DACH1: variants seen among roughly 807,000 people sequenced by gnomAD.
The protein encoded by DACH1 is dachshund homolog 1.
In DACH1, 12 loss-of-function variants were observed where a neutral mutation model predicts 54.2. The observed-to-expected ratio is 0.22, with a 90% CI of 0.14 to 0.36. DACH1 has a LOEUF of 0.36. Among genes scored for constraint, DACH1 ranks in the 10% least tolerant of loss-of-function variants. DACH1 has a pLI of 1.00. For missense variants in DACH1, 805 were observed against 929.8 expected (o/e 0.87, Z 1.75); for synonymous variants, 386 against 366.2 (o/e 1.05, Z -0.62).
intron 1 of DACH1, among the ~76,000 whole-genome samples, chr13:71,742,014 G>T (rs1188401115): frequency 6.6e-6 from 1 of 152,118 alleles, no homozygotes; most frequent in Non-Finnish European, 1.5e-5. Context: ...AAGGATGCAG[G>T]GGGAGGTAAT....
rs1335734798 is a variant in DACH1, at chr13:71,439,393, C to T, written c.*1262G>A. The T allele has an allele frequency of 6.6e-6, 1 of 152,418 alleles. No homozygotes were observed. The highest frequency in any genetic ancestry group is 2.4e-5 in the African/African-American group (1 of 41,430). 9.4% of individuals were successfully genotyped at this position (152,418 alleles called of 1,614,324 possible). On this transcript the variant is annotated 3_prime_UTR_variant, in exon 11 of 11. Coordinates refer to ENST00000613252, the MANE Select transcript of DACH1 (RefSeq NM_080759.6). ...AAAGACAGTGAAAATAACACATAGC[C>T]ACCCTTCCCTCTGACAAGGGTGGGA... is the stretch of plus-strand genomic sequence containing the variant.
At chr13:71,723,796 T>A (rs1448842522) in intron 1 of DACH1, among the ~76,000 whole-genome samples, 1 of 152,162 alleles carries the variant, frequency 6.6e-6, no homozygotes, top group Non-Finnish European at 1.5e-5. Flanking sequence ...GCTCTAGTGA[T>A]CCGCCCACCT....
chr13:71,725,659 A>G (rs1174692950), intron 1 of DACH1, among the ~76,000 whole-genome samples: 1 of 152,146 alleles, frequency 6.6e-6, no homozygotes, highest in Non-Finnish European at 1.5e-5. Flanking sequence ...TTAAAAATAT[A>G]ATTGATAATA....
chr13:71,866,335 ACTGCTG>A lies in DACH1; in HGVS notation c.429_434del (p.Ser162_Ser163del). 15 of 1,509,936 alleles carry A rather than the reference ACTGCTG, an allele frequency of 9.9e-6. No homozygotes were observed. Among genetic ancestry groups the A allele is most frequent in the Non-Finnish European group, 1.3e-5 (14 of 1,119,628 alleles). 93.5% of individuals were successfully genotyped at this position (1,509,936 alleles called of 1,614,324 possible). On this transcript the variant is annotated inframe_deletion, in exon 1 of 11. Coordinates refer to ENST00000613252, the MANE Select transcript of DACH1 (RefSeq NM_080759.6). ...TACTGCTGCTGCTGCTGCTGCTGCT[ACTGCTG>A]CTGCTGCTGCTGCCGGTGCTGGCGT...
chr13:71,582,784 T>C (rs1028683431), intron 3 of DACH1, among the ~76,000 whole-genome samples: 9 of 152,162 alleles, frequency 5.9e-5, no homozygotes, highest in Admixed American at 5.9e-4. Flanking sequence ...CGAAGCACTT[T>C]TCATCAGTTT....
chr13:71,626,970 T>A (rs1041840570), intron 3 of DACH1, among the ~76,000 whole-genome samples: 2 of 151,984 alleles, frequency 1.3e-5, no homozygotes, highest in Admixed American at 1.3e-4. Context: ...AGAATCCAAT[T>A]GATTGTGGAT....
At chr13:71,838,859 G>T (rs1888906011) in intron 1 of DACH1, among the ~76,000 whole-genome samples, 1 of 152,166 alleles carries the variant, frequency 6.6e-6, no homozygotes, top group Non-Finnish European at 1.5e-5. Flanking sequence ...CTACCTTTGT[G>T]GTTTGCAGCA....
chr13:71,644,671 A>G (rs937122649), intron 2 of DACH1, among the ~76,000 whole-genome samples: 1 of 152,166 alleles, frequency 6.6e-6, no homozygotes, highest in East Asian at 1.9e-4. Context: ...AGGGCACCCA[A>G]CCCTATTCCA....
At chr13:71,467,398 T>C (rs995597924) in intron 10 of DACH1, among the ~76,000 whole-genome samples, 1 of 150,016 alleles carries the variant, frequency 6.7e-6, no homozygotes, top group Non-Finnish European at 1.5e-5. Flanking sequence ...TACCTAATGC[T>C]AAATGACGAG....
intron 1 of DACH1, among the ~76,000 whole-genome samples, chr13:71,810,676 G>C (rs532534845): frequency 6.6e-6 from 1 of 152,094 alleles, no homozygotes; most frequent in African/African-American, 2.4e-5. Context: ...TAATCTTTTA[G>C]CACAATGATA....
At chr13:71,654,277 C>G (rs1180522528) in intron 2 of DACH1, among the ~76,000 whole-genome samples, 1 of 151,524 alleles carries the variant, frequency 6.6e-6, no homozygotes, top group Non-Finnish European at 1.5e-5. Context: ...GTAATCCCAG[C>G]AACTCGGGAG....
chr13:71,688,979 TTAC>T (rs1881329733), intron 1 of DACH1, among the ~76,000 whole-genome samples: 1 of 152,226 alleles, frequency 6.6e-6, no homozygotes, highest in African/African-American at 2.4e-5. Flanking sequence ...TTAATATGCA[TTAC>T]AAATTTCCAA....
At chr13:71,472,720 T>G (rs745428875) in intron 10 of DACH1, among the ~76,000 whole-genome samples, 25 of 152,188 alleles carry the variant, frequency 1.6e-4, no homozygotes, top group Non-Finnish European at 2.9e-4. Flanking sequence ...ATTCTTGAAT[T>G]GTGAAGCAGC....
At chr13:71,663,188 A>C (rs544264052) in intron 2 of DACH1, among the ~76,000 whole-genome samples, 1 of 148,596 alleles carries the variant, frequency 6.7e-6, no homozygotes, top group Non-Finnish European at 1.5e-5. Flanking sequence ...AACTTCTCCA[A>C]TTGAGAATAA....
rs1878793537 is a variant in DACH1, at chr13:71,489,220, T to C, written c.1571-72A>G. On this transcript the variant is annotated intron_variant, in intron 6 of 10. Transcript: ENST00000613252. ...TTTTTATTAGACCTCAGTAATGGCTTCCCTAGTGGTTTCCAGAACATTTAT... is the reference window on the plus strand; with the variant it reads ...TTTTTATTAGACCTCAGTAATGGCTCCCCTAGTGGTTTCCAGAACATTTAT... The C allele has an allele frequency of 1.1e-5, 17 of 1,480,776 alleles. No homozygotes were observed. The South Asian group carries it at 1.9e-4, about 17-fold the overall frequency. The allele number at this position is 1,480,776 out of a possible 1,614,324, so 91.7% of individuals were successfully genotyped here. A position where few individuals can be genotyped will look rare whatever the true frequency, so the allele number is the denominator to read the frequency against.
chr13:71,709,951 G>A (rs1376497289), intron 1 of DACH1, among the ~76,000 whole-genome samples: 2 of 152,042 alleles, frequency 1.3e-5, no homozygotes, highest in Non-Finnish European at 2.9e-5. Context: ...GGGCTCAATC[G>A]ATCCTTCCAC....
chr13:71,676,601 A>G (rs1880591063), intron 2 of DACH1, among the ~76,000 whole-genome samples: 1 of 152,220 alleles, frequency 6.6e-6, no homozygotes, highest in Admixed American at 6.5e-5. Flanking sequence ...TAATATTACA[A>G]AAGAGGTTGT....
intron 2 of DACH1, among the ~76,000 whole-genome samples, chr13:71,657,169 C>G (rs1879166121): frequency 6.6e-6 from 1 of 151,522 alleles, no homozygotes; most frequent in South Asian, 2.1e-4. Context: ...TAATTGCATG[C>G]ACTGTATAGG....
rs189960456 is a variant in DACH1 at position 71,552,452 on chromosome 13, T to C, written c.1570+4572A>G. 1.5e-3 allele frequency among the ~76,000 whole-genome samples: 229 copies of C among 152,042 alleles called. 1 individual carries two copies. The highest frequency in any genetic ancestry group is 5.3e-3 in the African/African-American group (222 of 41,514). On this transcript the variant is annotated intron_variant, in intron 6 of 10. Transcript: ENST00000613252. ...GGTAAATCGTATAATAACAAAAATGTACATATTGAGTTACAGGCAAGGTAA... is the reference window on the plus strand; with the variant it reads ...GGTAAATCGTATAATAACAAAAATGCACATATTGAGTTACAGGCAAGGTAA...
Sources: allele counts gnomAD v4.1 joint callset (sites outside exome capture counted in the v4.1 genomes callset), GRCh38; gene constraint gnomAD v4.1.1; transcripts MANE v1.5; gene names NCBI Gene and HGNC (gene_info 2026-07-23, HGNC 2026-07-21).